PRMT7: variants seen among roughly 807,000 people sequenced by gnomAD.
The protein encoded by PRMT7 is protein arginine N-methyltransferase 7.
PRMT7 carries 75 observed loss-of-function variants against 85.4 expected under a neutral mutation model. The observed-to-expected ratio is 0.88, with a 90% confidence interval of 0.73 to 1.06. The LOEUF (loss-of-function observed/expected upper bound fraction) is 1.06. PRMT7 is among the 50% of genes least tolerant of loss of function. The probability of loss-of-function intolerance (pLI) is 0.00; values close to 1 mark genes in which losing one functional copy is unlikely to be tolerated. For synonymous variants in PRMT7, 397 were observed against 359.5 expected (o/e 1.10, Z -1.18); for missense variants, 868 against 915.2 (o/e 0.95, Z 0.67).
intron 15 of PRMT7, 62 bp downstream of exon 15, chr16:68,352,471 C>T: frequency 6.6e-7 from 1 of 1,521,492 alleles, no homozygotes; most frequent in South Asian, 1.2e-5. Context: ...ACCTTGTTTT[C>T]TTGCAGGAAC....
chr16:68,350,723 C>A (rs992431658), intron 14 of PRMT7, among the ~76,000 whole-genome samples: 1 of 152,220 alleles, frequency 6.6e-6, no homozygotes, highest in African/African-American at 2.4e-5. Flanking sequence ...AGTCATGCAC[C>A]ATTTGTCCGC....
At chr16:68,319,590 TAAAAAAAAAA>T (rs58594681) in intron 3 of PRMT7, among the ~76,000 whole-genome samples, 1 of 135,880 alleles carries the variant, frequency 7.4e-6, no homozygotes, top group Non-Finnish European at 1.6e-5. Context: ...GATGTGCCAT[TAAAAAAAAAA>T]AAAAAAGAAC....
rs141669034 is a variant in PRMT7 at position 68,334,322 on chromosome 16, C to T, written c.392-3137C>T. ...TCCCTTGTAAATGTGACTTTGTTTC[C>T]GATCCTCAGCCTGACAAGTGGCTTC... On this transcript the variant is annotated intron_variant, in intron 6 of 18. Coordinates refer to ENST00000441236, the MANE Select transcript of PRMT7 (RefSeq NM_019023.5). Among the ~76,000 whole-genome samples the T allele has an allele frequency of 3.8e-4, 58 of 152,260 alleles. No individual in the cohort carries two copies. The East Asian group carries it at 9.6e-3, about 25-fold the overall frequency.
rs1204117505 is a variant in PRMT7, at chr16:68,346,055, C to T, written c.1056-90C>T. On this transcript the variant is annotated intron_variant, in intron 10 of 18. Transcript: ENST00000441236. ...TTAGCGGGTGCTCTAAGCCCTCATG[C>T]CTACTGGAGACCAGTGTCCAGATTC... 5.1e-6 allele frequency: 8 copies of T among 1,574,296 alleles called. No homozygotes were observed. The African/African-American group carries it at 5.4e-5, about 11-fold the overall frequency.
chr16:68,358,020 C>T lies in PRMT7; in HGVS notation c.*796C>T, dbSNP rs1045897756. On this transcript the variant is annotated 3_prime_UTR_variant, in exon 19 of 19. Coordinates refer to ENST00000441236, the MANE Select transcript of PRMT7 (RefSeq NM_019023.5). ...CCCAGCGCCGCTTCACCAGGAAGGT[C>T]AGTAGGTGCCGTGGCCTTGCTTCTC... is the stretch of plus-strand genomic sequence containing the variant. The T allele has an allele frequency of 6.6e-6, 1 of 152,388 alleles. No homozygotes were observed. Among genetic ancestry groups the T allele is most frequent in the Non-Finnish European group, 1.5e-5 (1 of 68,180 alleles). 9.4% of individuals were successfully genotyped at this position (152,388 alleles called of 1,614,324 possible). A position where few individuals can be genotyped will look rare whatever the true frequency, so the allele number is the denominator to read the frequency against.
At chr16:68,346,053 T>A in intron 10 of PRMT7, 92 bp from the exon 11 acceptor site, 2 of 1,574,366 alleles carry the variant, frequency 1.3e-6, no homozygotes, top group African/African-American at 2.7e-5. Flanking sequence ...TAAGCCCTCA[T>A]GCCTACTGGA....
intron 11 of PRMT7, 127 bp downstream of exon 11, chr16:68,346,407 C>G (rs543883270): frequency 1.5e-6 from 2 of 1,344,236 alleles, no homozygotes; most frequent in African/African-American, 2.9e-5. Context: ...GTGGCTTCAG[C>G]GAGCGCCTCC....
chr16:68,317,851 AAAC>A (rs1227109518), intron 3 of PRMT7, among the ~76,000 whole-genome samples: 66 of 57,736 alleles, frequency 1.1e-3, no homozygotes, highest in Non-Finnish European at 1.8e-4. Context: ...AAAAGAAAAA[AAAC>A]CACACACACA....
intron 6 of PRMT7, 150 bp from the exon 7 acceptor site, chr16:68,337,309 T>A: frequency 1.8e-6 from 1 of 554,830 alleles, no homozygotes; most frequent in Non-Finnish European, 3.2e-6. Flanking sequence ...GGCAAGTCAG[T>A]TGCAGACATC....
Position 68,353,428 on chromosome 16 carries a change from C to G in PRMT7, c.1576-64C>G, listed in dbSNP as rs760691755. Reference sequence around the variant, plus strand: ...GGAACAGCAAGATGTGCCTCTTGTTCTTGCTGCCACGCTTCCCTGTGTCCT... The same window carrying G: ...GGAACAGCAAGATGTGCCTCTTGTTGTTGCTGCCACGCTTCCCTGTGTCCT... On this transcript the variant is annotated intron_variant, in intron 15 of 18. Transcript: ENST00000441236. 2.7e-5 allele frequency: 44 copies of G among 1,604,422 alleles called. No homozygotes were observed. In the Middle Eastern group the frequency reaches 5.0e-4, roughly 18 times the overall value.
At chr16:68,327,111 C>G (rs1670974080) in intron 5 of PRMT7, among the ~76,000 whole-genome samples, 1 of 152,194 alleles carries the variant, frequency 6.6e-6, no homozygotes, top group South Asian at 2.1e-4. Flanking sequence ...AATTGCACAA[C>G]TGGAGCTGCT....
In PRMT7 at chr16:68,346,272, C is replaced by T. The variant is rs776722172; in HGVS notation, c.1183C>T (p.Leu395=). 1 of 1,614,112 alleles carries T rather than the reference C, an allele frequency of 6.2e-7. No individual in the cohort carries two copies. Among genetic ancestry groups the T allele is most frequent in the Non-Finnish European group, 8.5e-7 (1 of 1,180,058 alleles). ...CAGAACTGATCGATACGTCCAGGCT[C>T]TGAGGACCGTAAGTGTCCAGCCCCT... ...QDRTDRYVQA[L]RTVLKPDSVC... Residue 395 remains leucine, a synonymous_variant, in exon 11 of 19, where the codon CTG becomes TTG. Coordinates refer to ENST00000441236, the MANE Select transcript of PRMT7 (RefSeq NM_019023.5).
intron 6 of PRMT7, among the ~76,000 whole-genome samples, chr16:68,330,297 T>A (rs1372858446): frequency 1.3e-5 from 2 of 152,176 alleles, no homozygotes; most frequent in African/African-American, 2.4e-5. Flanking sequence ...AAGGAAAAAC[T>A]GTGGTGAAGT....
rs1410807955 is a variant in PRMT7, at chr16:68,353,570, G to A, written c.1650+4G>A. The A allele has an allele frequency of 3.8e-6, 6 of 1,575,524 alleles. No homozygotes were observed. The African/African-American group carries it at 8.2e-5, about 22-fold the overall frequency. ...CATCATGGACGACATGATTAAGGTA[G>A]GCAGGGCCACACTCTGCATAGTACC... On this transcript the variant is annotated splice_donor_region_variant and intron_variant, in intron 16 of 18. Transcript: ENST00000441236.
rs758934903 is a variant in PRMT7 at position 68,355,714 on chromosome 16, T to C, written c.1651-9T>C. 1.3e-6 allele frequency: 2 copies of C among 1,568,792 alleles called. No individual in the cohort carries two copies. The highest frequency in any genetic ancestry group is 1.2e-5 in the South Asian group (1 of 86,362). ...TCTCTGCAGCCCCCAGGCCCCCTTC[T>C]GTTCGCAGCGTGCCCTGGACTTCAG... On this transcript the variant is annotated splice_polypyrimidine_tract_variant and intron_variant, in intron 16 of 18. Transcript: ENST00000441236.
intron 6 of PRMT7, among the ~76,000 whole-genome samples, chr16:68,333,424 T>A (rs1202847654): frequency 2.7e-5 from 4 of 150,350 alleles, no homozygotes; most frequent in Admixed American, 1.3e-4. Flanking sequence ...AAGGTTGCGG[T>A]GAGCCGAGAT....
rs187221825 is a variant in PRMT7, at chr16:68,321,435, T to C, written c.105T>C (p.Tyr35=). ...CTTTTTTGTTTTTTAGGTCATCTTA[T>C]GCAGATATGCTACATGACAAAGACA... The part of the protein sequence containing the change: ...DYHQEIARSS[Y]ADMLHDKDRN... The change falls in exon 4 of 19, where the codon TAT becomes TAC. Residue 35 remains tyrosine (Y), a synonymous_variant. Coordinates refer to ENST00000441236, the MANE Select transcript of PRMT7 (RefSeq NM_019023.5). 18 of 1,610,446 alleles carry C rather than the reference T, an allele frequency of 1.1e-5. No individual in the cohort carries two copies. Among genetic ancestry groups the C allele is most frequent in the African/African-American group, 6.7e-5 (5 of 74,978 alleles).
At chr16:68,338,996 G>A (rs2085119293) in intron 7 of PRMT7, among the ~76,000 whole-genome samples, 1 of 152,172 alleles carries the variant, frequency 6.6e-6, no homozygotes, top group South Asian at 2.1e-4. Context: ...TGCTGGGCAG[G>A]AGCGGCACTG....
chr16:68,327,698 A>C (rs1354679447), intron 5 of PRMT7, among the ~76,000 whole-genome samples: 2 of 152,168 alleles, frequency 1.3e-5, no homozygotes, highest in Non-Finnish European at 2.9e-5. Context: ...CTGTAATCCC[A>C]GCACTTTGGG....
Sources: gnomAD v4.1 joint callset for allele counts (sites outside exome capture counted in the v4.1 genomes callset) on GRCh38, gnomAD v4.1.1 for gene constraint, MANE v1.5 for transcripts, NCBI Gene and HGNC (gene_info 2026-07-23, HGNC 2026-07-21) for gene names.